Variants in SLC44A2 observed in about 807,000 individuals in gnomAD.
SLC44A2 encodes the protein solute carrier family 44 member 2 (CTL2 blood group).
Under a neutral mutation model 90.8 loss-of-function variants are expected in SLC44A2, and 57 were observed. The ratio of observed to expected loss-of-function variants is 0.63; its 90% CI spans 0.51 to 0.78. SLC44A2 has a LOEUF of 0.78. SLC44A2 is among the 30% of genes least tolerant of loss of function. The pLI is 0.00. For missense variants in SLC44A2, 794 were observed against 919.7 expected (o/e 0.86, Z 1.77); for synonymous variants, 355 against 360.7 (o/e 0.98, Z 0.18).
chr19:10,625,583 G>A lies in SLC44A2; in HGVS notation c.-51G>A. ...CTCCCTCCAGACTCGGGAGGGTCGAGGGGGCGCGGGAGAGAGCGCGGGCGG... is the reference window on the plus strand; with the variant it reads ...CTCCCTCCAGACTCGGGAGGGTCGAAGGGGCGCGGGAGAGAGCGCGGGCGG... On this transcript the variant is annotated 5_prime_UTR_variant, in exon 1 of 22. Transcript: ENST00000335757. 11 of 1,237,482 alleles carry A rather than the reference G, an allele frequency of 8.9e-6. No individual in the cohort carries two copies. Among genetic ancestry groups the A allele is most frequent in the Non-Finnish European group, 1.0e-5 (10 of 988,164 alleles). The allele number at this position is 1,237,482 out of a possible 1,614,324, so 76.7% of individuals were successfully genotyped here. A position where few individuals can be genotyped will look rare whatever the true frequency, so the allele number is the denominator to read the frequency against.
rs1330882999 is a variant in SLC44A2 at position 10,638,056 on chromosome 19, C to T, written c.1803C>T (p.Leu601=). Residue 601 remains leucine (L), a synonymous_variant, in exon 19 of 22, where the codon CTC becomes CTT. Transcript: ENST00000335757. ...VAVLDKVTDF[L]FLLGKLLIVG... is the part of the protein sequence containing the mutation. Reference sequence around the variant, plus strand: ...TCCTGGATAAAGTTACTGACTTCCTCTTCCTGTTGGGCAAACTTCTGATCG... The same window carrying T: ...TCCTGGATAAAGTTACTGACTTCCTTTTCCTGTTGGGCAAACTTCTGATCG... 3 of 1,614,070 alleles carry T rather than the reference C, an allele frequency of 1.9e-6. No homozygotes were observed. Among genetic ancestry groups the T allele is most frequent in the East Asian group, 4.5e-5 (2 of 44,882 alleles).
At chr19:10,633,319 A>G (rs939170518) in intron 10 of SLC44A2, among the ~76,000 whole-genome samples, 7 of 150,896 alleles carry the variant, frequency 4.6e-5, no homozygotes, top group African/African-American at 1.5e-4. Context: ...GCACACCACC[A>G]TGCCCGGCTA....
rs780939206 is a variant in SLC44A2, at chr19:10,631,333, G to T, written c.389G>T (p.Arg130Leu). 6.2e-7 allele frequency: 1 copy of T among 1,614,158 alleles called. No individual in the cohort carries two copies. Among genetic ancestry groups the T allele is most frequent in the Non-Finnish European group, 8.5e-7 (1 of 1,180,042 alleles). The change falls in exon 6 of 22, where the codon CGG (arginine) becomes CTG (leucine). Residue 130 changes from arginine (R) to leucine (L), a missense_variant. Arg to Leu is a moderately radical substitution (Grantham distance 102). Around this residue, in one of 3 missense-constraint regions of SLC44A2, gnomAD observed 738 missense variants for 841.1 expected, o/e 0.88. Coordinates refer to ENST00000335757, the MANE Select transcript of SLC44A2 (RefSeq NM_020428.4). ...YLTYLNARSS[R>L]DFEYYKQFCV... ...ACGTACCTGAATGCTCGCAGCTCCC[G>T]GGACTTTGAGTACTATAAGCAGTTC...
At chr19:10,617,780 G>A (rs542799143) in intron 1 of SLC44A2, among the ~76,000 whole-genome samples, 1 of 152,250 alleles carries the variant, frequency 6.6e-6, no homozygotes, top group Admixed American at 6.6e-5. Context: ...TGGTGGAGAG[G>A]ATCTGAAAGG....
At chr19:10,622,658 TTGGGAGGCTGAGG>T (rs920883686), upstream of SLC44A2, among the ~76,000 whole-genome samples, 1 of 151,892 alleles carries the variant, frequency 6.6e-6, no homozygotes, top group Admixed American at 6.6e-5. Flanking sequence ...TTACAGCACT[TTGGGAGGCTGAGG>T]TGGGAGGATC....
Position 10,631,431 on chromosome 19 carries a change from T to C in SLC44A2, c.442-44T>C, listed in dbSNP as rs1028950105. ...AGAGCACAGGTATGGGCAGTGGCAG[T>C]GTACTAGACTTGGGGACTCACCTCC... On this transcript the variant is annotated intron_variant, in intron 6 of 21. Transcript: ENST00000335757. 3 of 1,613,884 alleles carry C rather than the reference T, an allele frequency of 1.9e-6. No individual in the cohort carries two copies. In the African/African-American group the frequency reaches 4.0e-5, roughly 22 times the overall value.
intron 10 of SLC44A2, among the ~76,000 whole-genome samples, chr19:10,633,107 A>G (rs1165845175): frequency 6.6e-6 from 1 of 152,144 alleles, no homozygotes; most frequent in Non-Finnish European, 1.5e-5. Context: ...CAGAGGCACA[A>G]TATCGTGCTC....
intron 1 of SLC44A2, among the ~76,000 whole-genome samples, chr19:10,609,994 C>G (rs973595721): frequency 6.6e-6 from 1 of 151,248 alleles, no homozygotes; most frequent in Non-Finnish European, 1.5e-5. Context: ...TTAGTAGAGA[C>G]AGGGTTTCAC....
chr19:10,635,133 C>G, intron 12 of SLC44A2, 30 bp from the exon 13 acceptor site: 2 of 1,613,756 alleles, frequency 1.2e-6, no homozygotes, highest in South Asian at 1.1e-5. Flanking sequence ...TGTCTTTTGC[C>G]CTGACGCCTG....
At chr19:10,625,426 C>T (rs1488295849), upstream of SLC44A2, 5 of 1,189,950 alleles carry the variant, frequency 4.2e-6, no homozygotes, top group Non-Finnish European at 5.2e-6. Context: ...GCGGGAGCAG[C>T]TGCAGCCCCG....
At chr19:10,612,370 CAAAAAAT>C (rs578134303) in intron 1 of SLC44A2, among the ~76,000 whole-genome samples, 21 of 152,056 alleles carry the variant, frequency 1.4e-4, no homozygotes, top group African/African-American at 4.6e-4. Flanking sequence ...GACCCTGTCT[CAAAAAAT>C]AAAAAATAAA....
chr19:10,617,175 C>A (rs1380012838), intron 1 of SLC44A2, among the ~76,000 whole-genome samples: 1 of 151,964 alleles, frequency 6.6e-6, no homozygotes, highest in Non-Finnish European at 1.5e-5. Flanking sequence ...CCGCCTGGGG[C>A]TCCCAAAGTG....
intron 1 of SLC44A2, among the ~76,000 whole-genome samples, chr19:10,620,240 G>A (rs1378557473): frequency 6.6e-6 from 1 of 151,998 alleles, no homozygotes. Context: ...CAGCACCTTG[G>A]GAGGCTGAGG....
chr19:10,620,952 TCA>T (rs1410194333), upstream of SLC44A2, among the ~76,000 whole-genome samples: 1 of 150,062 alleles, frequency 6.7e-6, no homozygotes, highest in African/African-American at 2.5e-5. Flanking sequence ...GGCGAGAAGA[TCA>T]TTTGAGCCTA....
At chr19:10,629,498 G>A (rs1166725943) in intron 4 of SLC44A2, among the ~76,000 whole-genome samples, 5 of 151,340 alleles carry the variant, frequency 3.3e-5, no homozygotes, top group African/African-American at 7.3e-5. Context: ...GGCTGGTCTC[G>A]AACTCCTGAC....
intron 1 of SLC44A2, among the ~76,000 whole-genome samples, chr19:10,607,168 C>T (rs1299003538): frequency 6.6e-6 from 1 of 152,046 alleles, no homozygotes; most frequent in Non-Finnish European, 1.5e-5. Context: ...CTGCCTTGGC[C>T]TCCCAAAGTG....
intron 1 of SLC44A2, among the ~76,000 whole-genome samples, chr19:10,608,320 C>T (rs1057484812): frequency 2.0e-5 from 3 of 152,124 alleles, no homozygotes; most frequent in African/African-American, 4.8e-5. Context: ...CTCAGCCTCC[C>T]GAGTAGCTGG....
intron 1 of SLC44A2, among the ~76,000 whole-genome samples, chr19:10,612,067 T>C (rs1195149664): frequency 6.6e-6 from 1 of 152,036 alleles, no homozygotes; most frequent in Non-Finnish European, 1.5e-5. Context: ...TCTGGATCTT[T>C]TTAAAGCTTC....
chr19:10,607,137 T>C (rs1918132851), intron 1 of SLC44A2, among the ~76,000 whole-genome samples: 1 of 151,982 alleles, frequency 6.6e-6, no homozygotes, highest in Non-Finnish European at 1.5e-5. Context: ...ATGGTCTCGA[T>C]CTCCTGACCT....
Sources: gnomAD v4.1 joint callset for allele counts (sites outside exome capture counted in the v4.1 genomes callset) on GRCh38, gnomAD v4.1.1 for gene constraint, gnomAD v4.1.1 regional missense constraint, MANE v1.5 for transcripts, NCBI Gene and HGNC (gene_info 2026-07-23, HGNC 2026-07-21) for gene names.